BOLL: variants seen among roughly 807,000 people sequenced by gnomAD.
BOLL encodes boule RNA binding protein.
In BOLL, 23 loss-of-function variants were observed where a neutral mutation model predicts 44.4. The ratio of observed to expected loss-of-function variants is 0.52; its 90% CI spans 0.37 to 0.73. BOLL has a LOEUF of 0.73. BOLL is among the 30% of genes least tolerant of loss of function. The probability of loss-of-function intolerance (pLI) is 0.00; values close to 1 mark genes in which losing one functional copy is unlikely to be tolerated. For synonymous variants in BOLL, 97 were observed against 110.8 expected (o/e 0.88, Z 0.78); for missense variants, 287 against 338.3 (o/e 0.85, Z 1.19).
chr2:197,741,679 T>G (rs1388097820), intron 10 of BOLL, among the ~76,000 whole-genome samples: 2 of 152,086 alleles, frequency 1.3e-5, no homozygotes, highest in Admixed American at 1.3e-4. Flanking sequence ...GATTAAAGAC[T>G]TACATGTTAG....
rs1384095626 is a variant in BOLL at position 197,785,152 on chromosome 2, C to A, written c.-112G>T. ...CGGCGACAACTTCCTCGAGTTCTCT[C>A]GGGTCATCGTGAACTTGGGCACCGA... is the stretch of plus-strand genomic sequence containing the variant. On this transcript the variant is annotated 5_prime_UTR_variant, in exon 1 of 11. Coordinates refer to ENST00000392296, the MANE Select transcript of BOLL (RefSeq NM_033030.6). The surrounding 1 kb of genome is among the most constrained non-coding windows in gnomAD (Gnocchi z 6.7). 7.1e-6 allele frequency: 7 copies of A among 985,880 alleles called. No individual in the cohort carries two copies. The highest frequency in any genetic ancestry group is 8.4e-6 in the Non-Finnish European group (7 of 829,936). 61.1% of individuals were successfully genotyped at this position (985,880 alleles called of 1,614,324 possible).
intron 9 of BOLL, among the ~76,000 whole-genome samples, chr2:197,756,172 T>C (rs574908292): frequency 2.3e-4 from 35 of 152,330 alleles, no homozygotes; most frequent in African/African-American, 7.9e-4. Context: ...GGAATTTTAC[T>C]ATTTCAAAAA....
At chr2:197,768,125 A>C (rs1468520121) in intron 6 of BOLL, among the ~76,000 whole-genome samples, 1 of 152,074 alleles carries the variant, frequency 6.6e-6, no homozygotes, top group African/African-American at 2.4e-5. Flanking sequence ...TATTTAAAAA[A>C]CAGCATTCAT....
At chr2:197,747,180 G>T (rs1481588257) in intron 9 of BOLL, among the ~76,000 whole-genome samples, 3 of 152,098 alleles carry the variant, frequency 2.0e-5, no homozygotes. Flanking sequence ...TCATTTCACA[G>T]TGTGTACATA....
At chr2:197,740,258 A>C (rs1687670599) in intron 10 of BOLL, among the ~76,000 whole-genome samples, 1 of 152,164 alleles carries the variant, frequency 6.6e-6, no homozygotes, top group African/African-American at 2.4e-5. Flanking sequence ...CCAGAACATA[A>C]ATATGAGTGT....
At chr2:197,744,031 G>T (rs1687881049) in intron 9 of BOLL, among the ~76,000 whole-genome samples, 1 of 152,140 alleles carries the variant, frequency 6.6e-6, no homozygotes, top group Non-Finnish European at 1.5e-5. Context: ...GGATGGTCTT[G>T]ATCTCCTGAC....
chr2:197,747,625 T>C (rs1027532784), intron 9 of BOLL, among the ~76,000 whole-genome samples: 120 of 85,872 alleles, frequency 1.4e-3, no homozygotes, highest in African/African-American at 4.9e-3. Context: ...ATGAAACAAA[T>C]AATAAAGAAA....
chr2:197,770,208 T>C (rs907062751), intron 6 of BOLL, among the ~76,000 whole-genome samples: 21 of 152,274 alleles, frequency 1.4e-4, no homozygotes, highest in African/African-American at 4.8e-4. Flanking sequence ...TACAACCATC[T>C]GATATTTGAC....
intron 5 of BOLL, among the ~76,000 whole-genome samples, chr2:197,773,369 G>A (rs1689352583): frequency 6.6e-6 from 1 of 151,574 alleles, no homozygotes; most frequent in Non-Finnish European, 1.5e-5. Context: ...TAGTGATACA[G>A]CAAAAAATAA....
chr2:197,760,279 T>C (rs1344310242), intron 7 of BOLL, among the ~76,000 whole-genome samples: 3 of 151,962 alleles, frequency 2.0e-5, no homozygotes, highest in African/African-American at 4.8e-5. Flanking sequence ...AGGTGAGCAG[T>C]TGTGCACCTG....
rs1688689408 is a variant in BOLL, at chr2:197,760,162, A to T, written c.553-2762T>A. 3.3e-5 allele frequency among the ~76,000 whole-genome samples: 5 copies of T among 152,236 alleles called. 1 individual carries two copies. In the South Asian group the frequency reaches 1.0e-3, roughly 32 times the overall value. ...TGTGCCTGCATTCTGGGCCTATGAA[A>T]CAGCCCTCACAGAAACGTTTCCAGG... On this transcript the variant is annotated intron_variant, in intron 7 of 10. Coordinates refer to ENST00000392296, the MANE Select transcript of BOLL (RefSeq NM_033030.6).
At chr2:197,764,142 A>C (rs1224358778) in intron 7 of BOLL, among the ~76,000 whole-genome samples, 1 of 152,200 alleles carries the variant, frequency 6.6e-6, no homozygotes, top group Non-Finnish European at 1.5e-5. Flanking sequence ...TCCCTGAAGA[A>C]ACTACAAATA....
chr2:197,732,188 G>T (rs1196707977), intron 10 of BOLL, among the ~76,000 whole-genome samples: 1 of 150,416 alleles, frequency 6.6e-6, no homozygotes, highest in Non-Finnish European at 1.5e-5. Flanking sequence ...ACACCTCTAC[G>T]CAAATAAACT....
chr2:197,769,302 T>A (rs1229729364), intron 6 of BOLL, among the ~76,000 whole-genome samples: 1 of 152,124 alleles, frequency 6.6e-6, no homozygotes, highest in Non-Finnish European at 1.5e-5. Context: ...GGAATTTTTT[T>A]ATTTGGTAGT....
intron 3 of BOLL, among the ~76,000 whole-genome samples, chr2:197,777,882 G>A (rs1689589909): frequency 6.6e-6 from 1 of 151,768 alleles, no homozygotes; most frequent in African/African-American, 2.4e-5. Context: ...CATAATTACT[G>A]GATCATATAC....
upstream of BOLL, chr2:197,785,444 A>G (rs1193691573): frequency 1.1e-6 from 1 of 935,926 alleles, no homozygotes; most frequent in Non-Finnish European, 1.3e-6. The surrounding 1 kb of genome is among the most constrained non-coding windows in gnomAD (Gnocchi z 6.7). Flanking sequence ...CCCCAAGTCC[A>G]CCCTGACTGG....
chr2:197,782,261 G>A (rs947742138), intron 1 of BOLL, among the ~76,000 whole-genome samples: 1 of 152,080 alleles, frequency 6.6e-6, no homozygotes, highest in Non-Finnish European at 1.5e-5. Flanking sequence ...GCTAGGCTGT[G>A]GTGTTCTCTT....
intron 7 of BOLL, among the ~76,000 whole-genome samples, 185 bp from the exon 8 acceptor site, chr2:197,757,585 T>C (rs1688574600): frequency 1.3e-5 from 2 of 152,034 alleles, no homozygotes; most frequent in South Asian, 4.1e-4. Context: ...ATTATACATC[T>C]CTTAGAAAAA....
chr2:197,768,532 A>G (rs1011638634), intron 6 of BOLL, among the ~76,000 whole-genome samples: 45 of 151,804 alleles, frequency 3.0e-4, no homozygotes, highest in African/African-American at 1.1e-3. Flanking sequence ...AAAATAGCAG[A>G]AAAAAGACCC....
Sources: gnomAD v4.1 joint callset for allele counts (sites outside exome capture counted in the v4.1 genomes callset) on GRCh38, gnomAD v4.1.1 for gene constraint, Gnocchi (gnomAD v3.1) non-coding constraint, MANE v1.5 for transcripts, NCBI Gene and HGNC (gene_info 2026-07-23, HGNC 2026-07-21) for gene names.